Variants in ADTRP observed in about 807,000 individuals in gnomAD.
The protein encoded by ADTRP is androgen dependent TFPI regulating protein.
In ADTRP, 20 loss-of-function variants were observed where a neutral mutation model predicts 27.0. The observed-to-expected ratio is 0.74, with a 90% CI of 0.52 to 1.08. The LOEUF is 1.08. Ranked by LOEUF, ADTRP falls within the 50% of genes least tolerant of loss-of-function variation. The pLI is 0.00. For synonymous variants in ADTRP, 101 were observed against 105.2 expected (o/e 0.96, Z 0.25); for missense variants, 251 against 275.0 (o/e 0.91, Z 0.62).
At chr6:11,765,551 C>T (rs530615733) in intron 3 of ADTRP, among the ~76,000 whole-genome samples, 119 of 151,964 alleles carry the variant, frequency 7.8e-4, no homozygotes, top group African/African-American at 2.6e-3. Flanking sequence ...TTTATAATCT[C>T]CTGGTTGATG....
chr6:11,714,243 AT>A lies in ADTRP; in HGVS notation c.*234del, dbSNP rs1372262108. On this transcript the variant is annotated 3_prime_UTR_variant, in exon 6 of 6. Transcript: ENST00000414691. ...CCATCCTCCACGAAGGTCAAAGATA[AT>A]TAATTCTGAGATAGCAGGAGTTGTT... 3.8e-6 allele frequency: 2 copies of A among 520,932 alleles called. No individual in the cohort carries two copies. The allele number at this position is 520,932 out of a possible 1,614,324, so 32.3% of individuals were successfully genotyped here.
rs557358343 is a variant in ADTRP, at chr6:11,742,914, T to G, written c.391-7231A>C. Among the ~76,000 whole-genome samples the G allele has an allele frequency of 6.6e-5, 10 of 152,350 alleles. No homozygotes were observed. In the East Asian group the frequency reaches 1.7e-3, roughly 26 times the overall value. The stretch of plus-strand genomic sequence containing the variant: ...CACCAGCCAGGATTTTATTCTTTGT[T>G]TAAAGCCTCAAGTGCAGGCATTACC... On this transcript the variant is annotated intron_variant, in intron 3 of 5. Coordinates refer to ENST00000414691, the MANE Select transcript of ADTRP (RefSeq NM_032744.4).
intron 4 of ADTRP, among the ~76,000 whole-genome samples, chr6:11,727,298 G>T (rs1477928872): frequency 6.6e-6 from 1 of 152,206 alleles, no homozygotes; most frequent in Non-Finnish European, 1.5e-5. Flanking sequence ...GGGATTACAA[G>T]CATGAGCCAC....
At chr6:11,778,286 A>AT (rs1345448846) in intron 1 of ADTRP, among the ~76,000 whole-genome samples, 1 of 152,172 alleles carries the variant, frequency 6.6e-6, no homozygotes, top group Non-Finnish European at 1.5e-5. Context: ...TGCCTCCTGC[A>AT]TTTGTAGTTA....
In ADTRP at chr6:11,737,228, T is replaced by G. The variant is rs189783608; in HGVS notation, c.391-1545A>C. Among the ~76,000 whole-genome samples the G allele has an allele frequency of 6.6e-5, 10 of 152,234 alleles. No homozygotes were observed. In the East Asian group the frequency reaches 1.7e-3, roughly 26 times the overall value. On this transcript the variant is annotated intron_variant, in intron 3 of 5. Transcript: ENST00000414691. Reference sequence around the variant, plus strand: ...TAGTAGTGCTAGTATTTTGCGTTTTTTGTAGTTCCAGCTATCATTCCTCCT... The same window carrying G: ...TAGTAGTGCTAGTATTTTGCGTTTTGTGTAGTTCCAGCTATCATTCCTCCT...
At position 11,713,552 on chromosome 6, in the gene ADTRP, G is replaced by A. The variant is rs974558460; in HGVS notation, c.*926C>T. The A allele has an allele frequency of 6.6e-6, 1 of 152,238 alleles. No homozygotes were observed. Among genetic ancestry groups the A allele is most frequent in the Admixed American group, 6.5e-5 (1 of 15,284 alleles). 9.4% of individuals were successfully genotyped at this position (152,238 alleles called of 1,614,324 possible). Reference sequence around the variant, plus strand: ...AGCAGGGATCATGAATCCTTGTTAAGCATCTGGAAATCAGCTTTGTTAAAC... The same window carrying A: ...AGCAGGGATCATGAATCCTTGTTAAACATCTGGAAATCAGCTTTGTTAAAC... On this transcript the variant is annotated 3_prime_UTR_variant, in exon 6 of 6. Coordinates refer to ENST00000414691, the MANE Select transcript of ADTRP (RefSeq NM_032744.4).
At chr6:11,744,943 T>C (rs1762821973) in intron 3 of ADTRP, among the ~76,000 whole-genome samples, 1 of 152,198 alleles carries the variant, frequency 6.6e-6, no homozygotes, top group Admixed American at 6.5e-5. Flanking sequence ...ATAGTGGTTC[T>C]GGAAAGCACC....
At chr6:11,764,323 A>G (rs1459823489) in intron 3 of ADTRP, among the ~76,000 whole-genome samples, 3 of 152,242 alleles carry the variant, frequency 2.0e-5, no homozygotes, top group African/African-American at 7.2e-5. Flanking sequence ...CCAACTTTAC[A>G]TCAACCCTGA....
intron 3 of ADTRP, among the ~76,000 whole-genome samples, chr6:11,759,999 C>A (rs1763346336): frequency 6.6e-6 from 1 of 152,170 alleles, no homozygotes; most frequent in Non-Finnish European, 1.5e-5. Context: ...TCCACAGACT[C>A]CAGAACGAAT....
Position 11,778,723 on chromosome 6 carries a change from C to A in ADTRP, c.37G>T (p.Val13Phe). The A allele has an allele frequency of 6.2e-7, 1 of 1,614,214 alleles. No homozygotes were observed. Among genetic ancestry groups the A allele is most frequent in the East Asian group, 2.2e-5 (1 of 44,888 alleles). ...TTGAGGAAAGTATACCAGCTCAGAA[C>A]AAGGAAGTGGTATATGCATGTAGAA... ...KTSTCIYHFLVLSWYTFLNYY... is the reference protein window; with the variant it reads ...KTSTCIYHFLFLSWYTFLNYY... The change falls in exon 1 of 6, where the codon GTT (valine) becomes TTT (phenylalanine). Residue 13 changes from valine to phenylalanine, a missense_variant. Transcript: ENST00000414691.
intron 1 of ADTRP, among the ~76,000 whole-genome samples, chr6:11,777,164 CAAGAT>C (rs749884127): frequency 1.8e-4 from 28 of 152,042 alleles, no homozygotes; most frequent in Non-Finnish European, 3.4e-4. Flanking sequence ...GTATCATTGA[CAAGAT>C]AAGAGACTTT....
chr6:11,740,520 T>A (rs887242778), intron 3 of ADTRP, among the ~76,000 whole-genome samples: 1 of 152,218 alleles, frequency 6.6e-6, no homozygotes, highest in Non-Finnish European at 1.5e-5. Context: ...CTTAATCGAA[T>A]GCCATCATAT....
chr6:11,723,250 T>C, intron 5 of ADTRP, 99 bp downstream of exon 5: 1 of 1,461,256 alleles, frequency 6.8e-7, no homozygotes, highest in Non-Finnish European at 9.4e-7. Context: ...TAAGCATCAT[T>C]GCTTCTGTTT....
chr6:11,726,096 A>T (rs1762186912), intron 4 of ADTRP, among the ~76,000 whole-genome samples: 1 of 152,196 alleles, frequency 6.6e-6, no homozygotes, highest in African/African-American at 2.4e-5. Context: ...TACCACACAG[A>T]TCAACTTTGA....
At chr6:11,741,980 G>T (rs1448056446) in intron 3 of ADTRP, among the ~76,000 whole-genome samples, 1 of 151,690 alleles carries the variant, frequency 6.6e-6, no homozygotes, top group African/African-American at 2.4e-5. Context: ...ATCTTCCCAG[G>T]CATCACTTCC....
At chr6:11,738,310 C>T (rs1762610271) in intron 3 of ADTRP, among the ~76,000 whole-genome samples, 2 of 152,276 alleles carry the variant, frequency 1.3e-5, no homozygotes, top group South Asian at 4.1e-4. Flanking sequence ...CTGGGGCTCC[C>T]TCCCCAGCCC....
chr6:11,758,661 AT>A (rs1763303428), intron 3 of ADTRP, among the ~76,000 whole-genome samples: 1 of 151,204 alleles, frequency 6.6e-6, no homozygotes, highest in African/African-American at 2.4e-5. Context: ...TGGCACATGT[AT>A]ACATATGTAA....
chr6:11,750,652 C>T (rs1299715953), intron 3 of ADTRP, among the ~76,000 whole-genome samples: 3 of 152,204 alleles, frequency 2.0e-5, no homozygotes, highest in Non-Finnish European at 4.4e-5. Flanking sequence ...GCAAATTCAT[C>T]TATAATCACA....
intron 3 of ADTRP, among the ~76,000 whole-genome samples, chr6:11,750,811 C>T (rs898271644): frequency 3.3e-5 from 5 of 152,176 alleles, no homozygotes; most frequent in African/African-American, 1.2e-4. Context: ...TGTACTCTGA[C>T]CTCCTGCACA....
Sources: gnomAD v4.1 joint callset for allele counts (sites outside exome capture counted in the v4.1 genomes callset) on GRCh38, gnomAD v4.1.1 for gene constraint, MANE v1.5 for transcripts, NCBI Gene and HGNC (gene_info 2026-07-23, HGNC 2026-07-21) for gene names.